DPYSL3: variants seen among roughly 807,000 people sequenced by gnomAD.
The protein encoded by DPYSL3 is dihydropyrimidinase-related protein 3.
Under a neutral mutation model 66.1 loss-of-function variants are expected in DPYSL3, and 16 were observed. The observed-to-expected ratio is 0.24, with a 90% CI of 0.16 to 0.37. The LOEUF (loss-of-function observed/expected upper bound fraction) is 0.37. Ranked by LOEUF, DPYSL3 falls within the 10% of genes least tolerant of loss-of-function variation. The pLI is 1.00. For missense variants in DPYSL3, 738 were observed against 916.2 expected (o/e 0.81, Z 2.51); for synonymous variants, 338 against 345.1 (o/e 0.98, Z 0.23).
At chr5:147,508,308 A>T (rs538548825) in intron 1 of DPYSL3, among the ~76,000 whole-genome samples, 1 of 152,318 alleles carries the variant, frequency 6.6e-6, no homozygotes, top group South Asian at 2.1e-4. Context: ...GTGAACAGAG[A>T]TGCTGTTCTT....
chr5:147,503,871 T>C (rs1465277798), intron 1 of DPYSL3, among the ~76,000 whole-genome samples: 2 of 152,256 alleles, frequency 1.3e-5, no homozygotes, highest in Non-Finnish European at 2.9e-5. Context: ...AGACTGCTAA[T>C]ACTTTATCCA....
At chr5:147,416,952 A>G (rs978371130) in intron 3 of DPYSL3, among the ~76,000 whole-genome samples, 9 of 152,210 alleles carry the variant, frequency 5.9e-5, no homozygotes, top group Non-Finnish European at 1.3e-4. Context: ...CAAAAATGGA[A>G]GGTTAAAATA....
chr5:147,501,504 T>TC (rs1581220890), intron 1 of DPYSL3, among the ~76,000 whole-genome samples: 2 of 144,746 alleles, frequency 1.4e-5, no homozygotes, highest in Non-Finnish European at 3.0e-5. Context: ...TTTTTTTTTT[T>TC]ACCAGAGTCT....
In DPYSL3 at chr5:147,404,067, T is replaced by C. The variant is rs141520537; in HGVS notation, c.1153+1543A>G. ...TGGGTGGTCACAGTTGGCAGGGGTG[T>C]GTGTGTGCGGCACTGGGTGAGGGCA... On this transcript the variant is annotated intron_variant, in intron 8 of 13. Transcript: ENST00000343218. Among the ~76,000 whole-genome samples the C allele has an allele frequency of 8.2e-3, 1,253 of 152,262 alleles. 13 individuals are homozygous for C. Among genetic ancestry groups the C allele is most frequent in the Middle Eastern group, 0.014 (4 of 294 alleles).
intron 1 of DPYSL3, among the ~76,000 whole-genome samples, chr5:147,492,085 T>C (rs759510753): frequency 3.7e-4 from 56 of 152,150 alleles, no homozygotes; most frequent in African/African-American, 1.2e-3. Context: ...AAAGCAAACA[T>C]GAAAATTTCA....
In DPYSL3 at chr5:147,391,938, G is replaced by T. The variant is rs948698980; in HGVS notation, c.*2097C>A. 8 of 152,252 alleles carry T rather than the reference G, an allele frequency of 5.3e-5. No homozygotes were observed. The highest frequency in any genetic ancestry group is 1.7e-4 in the African/African-American group (7 of 41,452). 9.4% of individuals were successfully genotyped at this position (152,252 alleles called of 1,614,324 possible). ...GGAAGACTTATCTTCATGGCACAGA[G>T]AGGTTGTGCAGAGATGAGTCAGACT... On this transcript the variant is annotated 3_prime_UTR_variant, in exon 14 of 14. Transcript: ENST00000343218.
At chr5:147,394,357 C>T (rs1171357498) in intron 13 of DPYSL3, among the ~76,000 whole-genome samples, 1 of 152,154 alleles carries the variant, frequency 6.6e-6, no homozygotes, top group African/African-American at 2.4e-5. Context: ...TTTCATCTGA[C>T]CCAGAGCATG....
intron 1 of DPYSL3, among the ~76,000 whole-genome samples, chr5:147,433,379 C>T (rs1378568551): frequency 6.6e-6 from 1 of 152,074 alleles, no homozygotes; most frequent in Admixed American, 6.6e-5. Flanking sequence ...AACAGGAAAC[C>T]AGATATGGGT....
intron 4 of DPYSL3, among the ~76,000 whole-genome samples, chr5:147,415,027 G>C (rs1013600821): frequency 6.6e-6 from 1 of 152,042 alleles, no homozygotes; most frequent in Non-Finnish European, 1.5e-5. Flanking sequence ...GCCTGTATGT[G>C]GGGGGGAGGG....
At chr5:147,418,232 C>G (rs958076304) in intron 3 of DPYSL3, among the ~76,000 whole-genome samples, 7 of 152,196 alleles carry the variant, frequency 4.6e-5, no homozygotes, top group African/African-American at 1.7e-4. Flanking sequence ...AGGGCAGGTG[C>G]TGCCATGACC....
At chr5:147,401,218 T>C (rs1758166336) in intron 9 of DPYSL3, among the ~76,000 whole-genome samples, 1 of 152,224 alleles carries the variant, frequency 6.6e-6, no homozygotes. Context: ...GCTTAATATG[T>C]AAATGCTGAT....
At chr5:147,498,700 C>A (rs146919870) in intron 1 of DPYSL3, among the ~76,000 whole-genome samples, 1 of 152,210 alleles carries the variant, frequency 6.6e-6, no homozygotes, top group African/African-American at 2.4e-5. Flanking sequence ...TGATGTTGAG[C>A]TTTTTTTCAT....
At chr5:147,482,713 T>A (rs1753268715) in intron 1 of DPYSL3, among the ~76,000 whole-genome samples, 1 of 152,156 alleles carries the variant, frequency 6.6e-6, no homozygotes, top group African/African-American at 2.4e-5. Flanking sequence ...TACTTCTGAT[T>A]TTTTTTTCTA....
chr5:147,496,003 A>C (rs1229352693), intron 1 of DPYSL3, among the ~76,000 whole-genome samples: 1 of 152,220 alleles, frequency 6.6e-6, no homozygotes, highest in Non-Finnish European at 1.5e-5. Flanking sequence ...AAACTATACT[A>C]CAAGGCTACA....
intron 5 of DPYSL3, among the ~76,000 whole-genome samples, chr5:147,413,086 A>C (rs1751889781): frequency 6.6e-6 from 1 of 152,204 alleles, no homozygotes; most frequent in Non-Finnish European, 1.5e-5. Context: ...TGAAACCCTT[A>C]TCTCTTAACC....
chr5:147,412,180 A>G (rs769194479), intron 6 of DPYSL3, among the ~76,000 whole-genome samples: 2 of 152,212 alleles, frequency 1.3e-5, no homozygotes, highest in African/African-American at 4.8e-5. Flanking sequence ...TAAATTCTCT[A>G]TTATCTAAGG....
chr5:147,448,789 T>C (rs1372384704), intron 1 of DPYSL3, among the ~76,000 whole-genome samples: 3 of 152,238 alleles, frequency 2.0e-5, no homozygotes, highest in Non-Finnish European at 4.4e-5. Context: ...GCTCTTTCTA[T>C]ACCTGAGGCC....
intron 12 of DPYSL3, among the ~76,000 whole-genome samples, chr5:147,397,174 CTATA>C (rs9325042): frequency 2.7e-5 from 4 of 147,896 alleles, no homozygotes; most frequent in South Asian, 2.1e-4. Context: ...ATCTATAGAC[CTATA>C]TATATATATA....
chr5:147,472,040 A>G (rs899791086), intron 1 of DPYSL3, among the ~76,000 whole-genome samples: 3 of 152,112 alleles, frequency 2.0e-5, no homozygotes, highest in Non-Finnish European at 4.4e-5. Context: ...GACCATAGCA[A>G]TCAACCTCCT....
Sources: allele counts gnomAD v4.1 joint callset (sites outside exome capture counted in the v4.1 genomes callset), GRCh38; gene constraint gnomAD v4.1.1; transcripts MANE v1.5; gene names NCBI Gene and HGNC (gene_info 2026-07-23, HGNC 2026-07-21).